PARD3B: variants seen among roughly 807,000 people sequenced by gnomAD.
The protein encoded by PARD3B is par-3 family cell polarity regulator beta, also known as partitioning defective 3 homolog B.
Under a neutral mutation model 130.2 loss-of-function variants are expected in PARD3B, and 103 were observed. The observed-to-expected ratio is 0.79, with a 90% CI of 0.67 to 0.93. The LOEUF (loss-of-function observed/expected upper bound fraction) is 0.93, where lower values mean the gene tolerates loss of function less well. Ranked by LOEUF, PARD3B falls within the 40% of genes least tolerant of loss-of-function variation. The pLI is 0.00. For synonymous variants in PARD3B, 583 were observed against 553.2 expected (o/e 1.05, Z -0.76); for missense variants, 1,609 against 1,499.2 (o/e 1.07, Z -1.21).
intron 18 of PARD3B, among the ~76,000 whole-genome samples, chr2:205,380,191 A>G (rs2045270803): frequency 1.0e-5 from 1 of 98,690 alleles, no homozygotes; most frequent in Admixed American, 1.3e-4. Context: ...TAAAGAATAT[A>G]TATTATATAA....
chr2:204,931,484 A>G (rs1006549633), intron 2 of PARD3B, among the ~76,000 whole-genome samples: 1 of 152,072 alleles, frequency 6.6e-6, no homozygotes, highest in African/African-American at 2.4e-5. Flanking sequence ...TAATATACCA[A>G]CATGAGGTTT....
Position 204,651,298 on chromosome 2 carries a change from G to A in PARD3B, c.121-34883G>A, listed in dbSNP as rs182019688. Among the ~76,000 whole-genome samples, 236 of 152,312 alleles carry A rather than the reference G, an allele frequency of 1.5e-3. 1 individual carries two copies. Among genetic ancestry groups the A allele is most frequent in the African/African-American group, 5.4e-3 (226 of 41,576 alleles). Reference sequence around the variant, plus strand: ...AAGTTAGTTACTTCCAATACAATGGGGGTACAGGCATTGGGTAGATGCTCC... The same window carrying A: ...AAGTTAGTTACTTCCAATACAATGGAGGTACAGGCATTGGGTAGATGCTCC... On this transcript the variant is annotated intron_variant, in intron 1 of 22. Transcript: ENST00000406610.
intron 21 of PARD3B, among the ~76,000 whole-genome samples, chr2:205,518,983 G>C (rs980968785): frequency 5.3e-5 from 8 of 152,050 alleles, no homozygotes; most frequent in African/African-American, 1.9e-4. Context: ...TCCCTTTGTG[G>C]GTGACCTGTC....
Position 204,678,199 on chromosome 2 carries a change from A to G in PARD3B, c.121-7982A>G, listed in dbSNP as rs2036646282. On this transcript the variant is annotated intron_variant, in intron 1 of 22. Coordinates refer to ENST00000406610, the MANE Select transcript of PARD3B (RefSeq NM_001302769.2). The surrounding 1 kb of genome is among the most constrained non-coding windows in gnomAD (Gnocchi z 4.2). ...GGGGAGCACGCAGGTGAGCAGGTGC[A>G]GGACCTGGGGCAAGTGCCTTTAGGT... Among the ~76,000 whole-genome samples, 1 of 152,170 alleles carries G rather than the reference A, an allele frequency of 6.6e-6. No individual in the cohort carries two copies.
chr2:205,283,433 C>T (rs373278062), intron 16 of PARD3B, among the ~76,000 whole-genome samples: 32 of 152,168 alleles, frequency 2.1e-4, no homozygotes, highest in African/African-American at 7.2e-4. Flanking sequence ...CACAGGCGTG[C>T]ATAACCATGC....
chr2:205,185,370 A>G (rs1347313714), intron 13 of PARD3B, among the ~76,000 whole-genome samples: 1 of 152,186 alleles, frequency 6.6e-6, no homozygotes, highest in East Asian at 1.9e-4. Context: ...AAATGCTTTA[A>G]TCACCATATA....
chr2:205,089,528 A>C (rs1200273360), intron 4 of PARD3B, among the ~76,000 whole-genome samples: 1 of 152,184 alleles, frequency 6.6e-6, no homozygotes, highest in East Asian at 1.9e-4. Context: ...TGAGGAGGGC[A>C]AAGTAGGAGG....
intron 15 of PARD3B, among the ~76,000 whole-genome samples, chr2:205,222,001 G>A (rs2038266665): frequency 1.3e-5 from 2 of 152,000 alleles, no homozygotes; most frequent in South Asian, 4.2e-4. Context: ...TAACTAATGG[G>A]TACTAGGCTT....
At chr2:205,455,152 A>G (rs1161028270) in intron 20 of PARD3B, among the ~76,000 whole-genome samples, 1 of 152,114 alleles carries the variant, frequency 6.6e-6, no homozygotes, top group African/African-American at 2.4e-5. Flanking sequence ...CACTCAGTAT[A>G]GTTGTGTGGC....
intron 1 of PARD3B, among the ~76,000 whole-genome samples, chr2:204,592,118 C>A (rs371619074): frequency 1.3e-5 from 2 of 152,340 alleles, no homozygotes; most frequent in African/African-American, 4.8e-5. Context: ...ACTGGTGACC[C>A]CTCAGTGACC....
At chr2:205,498,394 G>A (rs1245771490) in intron 20 of PARD3B, among the ~76,000 whole-genome samples, 1 of 150,808 alleles carries the variant, frequency 6.6e-6, no homozygotes, top group Non-Finnish European at 1.5e-5. Flanking sequence ...CCTAGCTACT[G>A]GAGAGGCTGA....
chr2:204,782,218 G>C (rs927071932), intron 2 of PARD3B, among the ~76,000 whole-genome samples: 1 of 151,942 alleles, frequency 6.6e-6, no homozygotes, highest in African/African-American at 2.4e-5. Context: ...CTTTCTCTTT[G>C]TCTCTGAAAT....
chr2:205,581,279 T>C (rs1238285272), intron 22 of PARD3B, among the ~76,000 whole-genome samples: 1 of 108,034 alleles, frequency 9.3e-6, no homozygotes, highest in African/African-American at 3.4e-5. Context: ...TAGATAGATA[T>C]AGATATATAG....
intron 14 of PARD3B, among the ~76,000 whole-genome samples, chr2:205,190,443 T>C (rs1453919844): frequency 6.6e-6 from 1 of 152,212 alleles, no homozygotes; most frequent in Admixed American, 6.5e-5. Context: ...CACCATTCTA[T>C]TGAAACAAAA....
chr2:205,399,676 A>T (rs2046177087), intron 18 of PARD3B, among the ~76,000 whole-genome samples: 1 of 151,982 alleles, frequency 6.6e-6, no homozygotes, highest in Non-Finnish European at 1.5e-5. Flanking sequence ...TTTTATTTCA[A>T]ATGTGCAGTT....
At chr2:205,013,159 C>T (rs1006501463) in intron 3 of PARD3B, among the ~76,000 whole-genome samples, 1 of 152,220 alleles carries the variant, frequency 6.6e-6, no homozygotes, top group South Asian at 2.1e-4. Context: ...TTACTTGGTC[C>T]GGTGACAGTT....
rs536955919 is a variant in PARD3B at position 205,590,473 on chromosome 2, C to T, written c.3261-24983C>T. Among the ~76,000 whole-genome samples the T allele has an allele frequency of 6.6e-5, 10 of 152,260 alleles. No individual in the cohort carries two copies. Among genetic ancestry groups the T allele is most frequent in the East Asian group, 3.9e-4 (2 of 5,178 alleles). On this transcript the variant is annotated intron_variant, in intron 22 of 22. Coordinates refer to ENST00000406610, the MANE Select transcript of PARD3B (RefSeq NM_001302769.2). This position sits in a 1 kb window ranked among gnomAD's most constrained non-coding sequence, Gnocchi z 4.1. ...GGATCATCTCAGGTTGCTTTTATCG[C>T]GGTATGTTTTTAACCATACACAATC...
intron 18 of PARD3B, among the ~76,000 whole-genome samples, chr2:205,312,128 T>A (rs956353081): frequency 6.6e-6 from 1 of 152,230 alleles, no homozygotes; most frequent in Non-Finnish European, 1.5e-5. Flanking sequence ...ACAGGTCTCA[T>A]GTACAATAAA....
In PARD3B at chr2:205,407,751, G is replaced by A. The variant is rs1574945153; in HGVS notation, c.2741+6628G>A. Reference sequence around the variant, plus strand: ...ACACCAAAGACTGTCTTCCATTGAAGTCCCATATTACTGACCCTGAAATAA... The same window carrying A: ...ACACCAAAGACTGTCTTCCATTGAAATCCCATATTACTGACCCTGAAATAA... On this transcript the variant is annotated intron_variant, in intron 19 of 22. Transcript: ENST00000406610. This position sits in a 1 kb window ranked among gnomAD's most constrained non-coding sequence, Gnocchi z 4.1. 6.6e-6 allele frequency among the ~76,000 whole-genome samples: 1 copy of A among 151,988 alleles called. No individual in the cohort carries two copies. Among genetic ancestry groups the A allele is most frequent in the Admixed American group, 6.6e-5 (1 of 15,256 alleles).
Sources: allele counts gnomAD v4.1 joint callset (sites outside exome capture counted in the v4.1 genomes callset), GRCh38; gene constraint gnomAD v4.1.1; non-coding constraint Gnocchi (gnomAD v3.1); transcripts MANE v1.5; gene names NCBI Gene and HGNC (gene_info 2026-07-23, HGNC 2026-07-21).